The following FOXP2 variants were observed in gnomAD, a reference collection of about 807,000 sequenced individuals.
FOXP2 encodes forkhead box P2.
Under a neutral mutation model 115.8 loss-of-function variants are expected in FOXP2, and 12 were observed. That is an observed-to-expected ratio of 0.10 (90% CI 0.07 to 0.17). The LOEUF (loss-of-function observed/expected upper bound fraction) is 0.17, where lower values mean the gene tolerates loss of function less well. Among genes scored for constraint, FOXP2 ranks in the 10% least tolerant of loss-of-function variants. The pLI, the probability that FOXP2 is intolerant of heterozygous loss-of-function variation, is 1.00. For missense variants in FOXP2, 629 were observed against 843.5 expected (o/e 0.75, Z 3.15); for synonymous variants, 328 against 297.7 (o/e 1.10, Z -1.05).
intron 2 of FOXP2, among the ~76,000 whole-genome samples, chr7:114,288,953 A>G (rs144136478): frequency 1.3e-5 from 2 of 151,964 alleles, no homozygotes; most frequent in Non-Finnish European, 1.5e-5. Flanking sequence ...AGAATTCTTC[A>G]TTAAGAGTTT....
intron 1 of FOXP2, among the ~76,000 whole-genome samples, chr7:114,417,805 A>G (rs574215645): frequency 6.6e-6 from 1 of 152,066 alleles, no homozygotes; most frequent in African/African-American, 2.4e-5. Flanking sequence ...TTTTTTGGTA[A>G]TGATCATTCT....
intron 1 of FOXP2, among the ~76,000 whole-genome samples, chr7:114,207,420 G>T (rs900146642): frequency 6.6e-6 from 1 of 152,170 alleles, no homozygotes; most frequent in Admixed American, 6.5e-5. Flanking sequence ...GGAGATTTTA[G>T]CTATCCTAAG....
chr7:114,243,123 A>G (rs1795195238), intron 1 of FOXP2, among the ~76,000 whole-genome samples: 1 of 152,122 alleles, frequency 6.6e-6, no homozygotes, highest in African/African-American at 2.4e-5. Flanking sequence ...AGGTGGGTCA[A>G]GTATGTGCTA....
intron 1 of FOXP2, among the ~76,000 whole-genome samples, chr7:114,182,049 T>TA (rs1793469987): frequency 6.6e-6 from 1 of 152,072 alleles, no homozygotes; most frequent in Non-Finnish European, 1.5e-5. Flanking sequence ...GCTTTATGCA[T>TA]TTGTGCCTTA....
At chr7:114,686,657 A>G (rs1585028982) in intron 16 of FOXP2, among the ~76,000 whole-genome samples, 1 of 152,170 alleles carries the variant, frequency 6.6e-6, no homozygotes. Flanking sequence ...ATTGGTAAAC[A>G]TTTTGTTTGT....
intron 2 of FOXP2, among the ~76,000 whole-genome samples, chr7:114,455,922 C>A (rs1377650856): frequency 6.6e-6 from 1 of 152,114 alleles, no homozygotes; most frequent in Non-Finnish European, 1.5e-5. Flanking sequence ...TTGATACAGG[C>A]AATGTATTTT....
intron 3 of FOXP2, among the ~76,000 whole-genome samples, chr7:114,627,541 C>T (rs1804659424): frequency 6.6e-6 from 1 of 152,042 alleles, no homozygotes; most frequent in South Asian, 2.1e-4. Flanking sequence ...CTGATCACCA[C>T]TCTTACCATC....
chr7:114,361,246 A>G (rs541248868), intron 2 of FOXP2, among the ~76,000 whole-genome samples: 42 of 152,208 alleles, frequency 2.8e-4, no homozygotes, highest in African/African-American at 9.9e-4. Flanking sequence ...TGAAAGCACA[A>G]TTTGCCTAGG....
At chr7:114,121,690 G>T (rs963259946) in intron 1 of FOXP2, among the ~76,000 whole-genome samples, 5 of 152,060 alleles carry the variant, frequency 3.3e-5, no homozygotes, top group Non-Finnish European at 7.4e-5. Flanking sequence ...TTGAAAGATT[G>T]AGAAACAATG....
intron 3 of FOXP2, among the ~76,000 whole-genome samples, chr7:114,624,817 G>A (rs1165810755): frequency 2.0e-5 from 3 of 150,942 alleles, no homozygotes; most frequent in Non-Finnish European, 4.4e-5. Flanking sequence ...ATGATGTGAT[G>A]GTTATATTTA....
chr7:114,098,467 T>TG (rs1434989374), intron 1 of FOXP2, among the ~76,000 whole-genome samples: 15 of 151,684 alleles, frequency 9.9e-5, no homozygotes, highest in African/African-American at 3.6e-4. Flanking sequence ...GAGGACACAA[T>TG]GGGGAAAGTA....
At chr7:114,399,209 G>A (rs1792816911) in intron 2 of FOXP2, among the ~76,000 whole-genome samples, 1 of 150,712 alleles carries the variant, frequency 6.6e-6, no homozygotes, top group Non-Finnish European at 1.5e-5. Flanking sequence ...CCCAATTCAA[G>A]TGATTCTCCT....
At chr7:114,501,348 C>A (rs901929897) in intron 2 of FOXP2, among the ~76,000 whole-genome samples, 1 of 152,062 alleles carries the variant, frequency 6.6e-6, no homozygotes, top group South Asian at 2.1e-4. Context: ...TACTCCAGTG[C>A]GGTTTTCATT....
intron 2 of FOXP2, among the ~76,000 whole-genome samples, chr7:114,294,401 T>TG (rs1342852578): frequency 6.6e-6 from 1 of 152,092 alleles, no homozygotes; most frequent in Non-Finnish European, 1.5e-5. Context: ...AATACTAGAG[T>TG]CACACGGAAG....
intron 1 of FOXP2, among the ~76,000 whole-genome samples, chr7:114,164,134 T>C (rs896036739): frequency 9.2e-5 from 14 of 152,138 alleles, no homozygotes; most frequent in Non-Finnish European, 1.9e-4. Context: ...AGGTTCATGT[T>C]TAATCTTGTT....
intron 2 of FOXP2, among the ~76,000 whole-genome samples, chr7:114,379,798 G>A (rs1792236893): frequency 6.6e-6 from 1 of 152,170 alleles, no homozygotes. Context: ...AAAAGGCCTG[G>A]TCCAGTAAAT....
chr7:114,685,775 T>C (rs911548674), intron 16 of FOXP2, among the ~76,000 whole-genome samples: 2 of 152,216 alleles, frequency 1.3e-5, no homozygotes, highest in African/African-American at 4.8e-5. Context: ...ACTTTTCTTA[T>C]ATCTGTGATA....
chr7:114,418,093 T>G (rs1031712784), intron 1 of FOXP2, among the ~76,000 whole-genome samples: 3 of 151,990 alleles, frequency 2.0e-5, no homozygotes, highest in African/African-American at 7.2e-5. Flanking sequence ...TGAGCTGATA[T>G]TAAACTCCAG....
At chr7:114,334,032 T>G (rs921167581) in intron 2 of FOXP2, among the ~76,000 whole-genome samples, 3 of 152,200 alleles carry the variant, frequency 2.0e-5, no homozygotes, top group African/African-American at 7.2e-5. Context: ...GCAAACTTAT[T>G]TGATTTAGGA....
Sources: allele counts gnomAD v4.1 joint callset (sites outside exome capture counted in the v4.1 genomes callset), GRCh38; gene constraint gnomAD v4.1.1; transcripts MANE v1.5; gene names NCBI Gene and HGNC (gene_info 2026-07-23, HGNC 2026-07-21).